The following AADACL3 variants were observed in gnomAD, a reference collection of about 807,000 sequenced individuals.
AADACL3 encodes arylacetamide deacetylase like 3.
A neutral mutation model predicts 13.6 loss-of-function variants in AADACL3; 13 were observed. The ratio of observed to expected loss-of-function variants is 0.95; its 90% CI spans 0.62 to 1.52. The LOEUF is 1.52. AADACL3 is among the 40% of genes most tolerant of loss of function. AADACL3 has a pLI of 0.00. For synonymous variants in AADACL3, 195 were observed against 197.0 expected, an observed-to-expected ratio of 0.99 and a Z score of 0.08; for missense variants, 519 against 499.2, an observed-to-expected ratio of 1.04 and a Z score of -0.38.
intron 3 of AADACL3, among the ~76,000 whole-genome samples, chr1:12,724,432 T>A (rs573949600): frequency 6.6e-6 from 1 of 152,318 alleles, no homozygotes; most frequent in South Asian, 2.1e-4. Flanking sequence ...TTTTTCTTTC[T>A]TTCATCAATA....
At chr1:12,717,680 C>A (rs1169460707) in intron 1 of AADACL3, among the ~76,000 whole-genome samples, 2 of 152,064 alleles carry the variant, frequency 1.3e-5, no homozygotes, top group Non-Finnish European at 2.9e-5. Flanking sequence ...AGAAGCTAAC[C>A]CACAATAGAA....
intron 3 of AADACL3, among the ~76,000 whole-genome samples, chr1:12,722,888 T>C (rs922971146): frequency 1.5e-4 from 23 of 152,140 alleles, no homozygotes; most frequent in Non-Finnish European, 1.2e-4. Context: ...CTTGGAACTG[T>C]AACTTGGAGT....
At position 12,725,584 on chromosome 1, in the gene AADACL3, C is replaced by A. The variant is rs771936930; in HGVS notation, c.812C>A (p.Ala271Asp). Residue 271 changes from alanine (A) to aspartate (D), a missense_variant, in exon 4 of 4, where the codon GCC becomes GAC. Transcript: ENST00000359318. ...SSWQEVIMKGAHLPAEVWEKY... is the reference protein window; with the variant it reads ...SSWQEVIMKGDHLPAEVWEKY... ...TGGCAAGAGGTCATCATGAAAGGTG[C>A]CCATTTGCCTGCTGAAGTCTGGGAA... is the stretch of plus-strand genomic sequence containing the variant. 1.9e-6 allele frequency: 3 copies of A among 1,614,046 alleles called. No homozygotes were observed. The highest frequency in any genetic ancestry group is 2.5e-6 in the Non-Finnish European group (3 of 1,180,018).
intron 2 of AADACL3, among the ~76,000 whole-genome samples, 195 bp downstream of exon 2, chr1:12,719,886 A>C (rs1178285994): frequency 6.6e-6 from 1 of 152,172 alleles, no homozygotes; most frequent in Non-Finnish European, 1.5e-5. Flanking sequence ...TATTTACATA[A>C]ATGTAATCCT....
At position 12,720,895 on chromosome 1, in the gene AADACL3, G is replaced by T. The variant is rs771564598; in HGVS notation, c.398G>T (p.Gly133Val). The T allele has an allele frequency of 6.2e-7, 1 of 1,612,712 alleles. No individual in the cohort carries two copies. Among genetic ancestry groups the T allele is most frequent in the Non-Finnish European group, 8.5e-7 (1 of 1,179,084 alleles). The change falls in exon 3 of 4, where the codon GGC becomes GTC. Residue 133 changes from glycine (G) to valine (V), a missense_variant. By Grantham distance (109) the Gly-to-Val change is moderately radical. Coordinates refer to ENST00000359318, the MANE Select transcript of AADACL3 (RefSeq NM_001103170.3). The stretch of plus-strand genomic sequence containing the variant: ...ATTTATTTTCTAGAAACCCACCATG[G>T]CATATGCTCTCGTTTGTGCAAGGAG... ...GVMGSLKTHH[G>V]ICSRLCKESD...
chr1:12,719,331 G>T (rs975173153), intron 1 of AADACL3, 144 bp from the exon 2 acceptor site: 2 of 775,442 alleles, frequency 2.6e-6, no homozygotes, highest in Non-Finnish European at 2.2e-6. Context: ...GGGAACTGAG[G>T]GCTTGAGTAG....
In AADACL3 at chr1:12,718,039, T is replaced by C. The variant is rs150362880; in HGVS notation, c.169-1436T>C. On this transcript the variant is annotated intron_variant, in intron 1 of 3. Transcript: ENST00000359318. Reference sequence around the variant, plus strand: ...ACATATTTGCATTGCCTATTAGATATTGCGAAAACTCATGTATTCTCCTCA... The same window carrying C: ...ACATATTTGCATTGCCTATTAGATACTGCGAAAACTCATGTATTCTCCTCA... Among the ~76,000 whole-genome samples, 15 of 152,270 alleles carry C rather than the reference T, an allele frequency of 9.9e-5. No homozygotes were observed. The East Asian group carries it at 2.9e-3, about 29-fold the overall frequency.
intron 3 of AADACL3, 22 bp from the exon 4 acceptor site, chr1:12,725,200 G>C: frequency 6.4e-7 from 1 of 1,572,242 alleles, no homozygotes; most frequent in Non-Finnish European, 8.6e-7. Flanking sequence ...GTTATCAACT[G>C]TGTTTCTTGA....
At position 12,725,594 on chromosome 1, in the gene AADACL3, T is replaced by A. The variant is rs1267130775; in HGVS notation, c.822T>A (p.Pro274=). The A allele has an allele frequency of 1.9e-6, 3 of 1,613,982 alleles. No homozygotes were observed. Among genetic ancestry groups the A allele is most frequent in the East Asian group, 4.5e-5 (2 of 44,888 alleles). ...TCATCATGAAAGGTGCCCATTTGCC[T>A]GCTGAAGTCTGGGAAAAGTACAGAA... The part of the protein sequence containing the change: ...QEVIMKGAHL[P]AEVWEKYRKW... Residue 274 remains proline (P), a synonymous_variant, in exon 4 of 4, where the codon CCT becomes CCA. Transcript: ENST00000359318.
At chr1:12,725,091 TCA>T in intron 3 of AADACL3, 129 bp from the exon 4 acceptor site, 2 of 986,214 alleles carry the variant, frequency 2.0e-6, no homozygotes, top group Non-Finnish European at 3.0e-6. Flanking sequence ...CATTTAAGCC[TCA>T]CACCTAACTT....
At chr1:12,725,164 C>T (rs1181700239) in intron 3 of AADACL3, 58 bp from the exon 4 acceptor site, 47 of 1,506,820 alleles carry the variant, frequency 3.1e-5, no homozygotes, top group African/African-American at 5.6e-5. Context: ...AGATGCTAGA[C>T]GCTGATATTT....
intron 1 of AADACL3, among the ~76,000 whole-genome samples, chr1:12,717,384 A>C (rs1648460383): frequency 1.3e-5 from 2 of 152,244 alleles, no homozygotes; most frequent in African/African-American, 4.8e-5. Context: ...AAGTAGGGAA[A>C]ATTGCTCCTA....
chr1:12,724,065 T>C (rs1346483018), intron 3 of AADACL3, among the ~76,000 whole-genome samples: 1 of 152,222 alleles, frequency 6.6e-6, no homozygotes, highest in Non-Finnish European at 1.5e-5. Context: ...ATTACAGGCG[T>C]GAGCCACTGC....
chr1:12,716,595 A>G (rs543283043), intron 1 of AADACL3, among the ~76,000 whole-genome samples: 1 of 152,342 alleles, frequency 6.6e-6, no homozygotes, highest in Non-Finnish European at 1.5e-5. Flanking sequence ...TAACAGAAAG[A>G]AAAAACCAGT....
chr1:12,718,480 C>T (rs77734577), intron 1 of AADACL3, among the ~76,000 whole-genome samples: 4,136 of 152,138 alleles, frequency 0.027, 82 homozygotes, highest in South Asian at 0.097. Context: ...AGGGAGAGCC[C>T]TCTTTATTTA....
At chr1:12,722,682 CTT>C (rs1053024862) in intron 3 of AADACL3, among the ~76,000 whole-genome samples, 16 of 140,818 alleles carry the variant, frequency 1.1e-4, no homozygotes, top group Non-Finnish European at 9.3e-5. Context: ...GTTTCTTTGT[CTT>C]TTTTTTTTTT....
chr1:12,716,897 T>C (rs770357571), intron 1 of AADACL3, among the ~76,000 whole-genome samples: 3 of 152,178 alleles, frequency 2.0e-5, no homozygotes, highest in Non-Finnish European at 2.9e-5. Context: ...AGTAGATTAG[T>C]GCCGGTGAGC....
Position 12,716,111 on chromosome 1 carries a change from A to T in AADACL3, c.-66A>T. The T allele has an allele frequency of 1.6e-6, 1 of 610,792 alleles. No individual in the cohort carries two copies. Among genetic ancestry groups the T allele is most frequent in the South Asian group, 1.9e-5 (1 of 51,470 alleles). The allele number at this position is 610,792 out of a possible 1,614,324, so 37.8% of individuals were successfully genotyped here. ...AAGTGGAGGAGGTCTGCTGGCTCTGAACCATGTCCTAAATGGTTTACACTG... is the reference window on the plus strand; with the variant it reads ...AAGTGGAGGAGGTCTGCTGGCTCTGTACCATGTCCTAAATGGTTTACACTG... On this transcript the variant is annotated 5_prime_UTR_variant, in exon 1 of 4. Transcript: ENST00000359318.
At chr1:12,716,989 C>T (rs1289936739) in intron 1 of AADACL3, among the ~76,000 whole-genome samples, 1 of 152,200 alleles carries the variant, frequency 6.6e-6, no homozygotes, top group East Asian at 1.9e-4. Context: ...TTTGGTTCTG[C>T]TTCTGGTGTA....
Sources: gnomAD v4.1 joint callset for allele counts (sites outside exome capture counted in the v4.1 genomes callset) on GRCh38, gnomAD v4.1.1 for gene constraint, MANE v1.5 for transcripts, NCBI Gene and HGNC (gene_info 2026-07-23, HGNC 2026-07-21) for gene names.